Variants in MRPS33 observed in about 807,000 individuals in gnomAD.
The protein encoded by MRPS33 is small ribosomal subunit protein mS33.
A neutral mutation model predicts 11.2 loss-of-function variants in MRPS33; 11 were observed. That is an observed-to-expected ratio of 0.99 (90% CI 0.62 to 1.63). The LOEUF is 1.63. MRPS33 is among the 40% of genes most tolerant of loss of function. MRPS33 has a pLI of 0.00. For missense variants in MRPS33, 109 were observed against 127.8 expected, an observed-to-expected ratio of 0.85 and a Z score of 0.71; for synonymous variants, 46 against 44.0, an observed-to-expected ratio of 1.05 and a Z score of -0.18.
At chr7:141,013,564 G>A (rs996604712) in intron 1 of MRPS33, among the ~76,000 whole-genome samples, 1 of 152,056 alleles carries the variant, frequency 6.6e-6, no homozygotes, top group Non-Finnish European at 1.5e-5. Flanking sequence ...AATAACACGG[G>A]AGCTTTTCTT....
rs1820520222 is a variant in MRPS33 at position 141,006,176 on chromosome 7, G to A, written c.*254C>T. 2.0e-6 allele frequency: 1 copy of A among 490,022 alleles called. No homozygotes were observed. The highest frequency in any genetic ancestry group is 3.6e-5 in the Admixed American group (1 of 27,556). 30.4% of individuals were successfully genotyped at this position (490,022 alleles called of 1,614,324 possible). On this transcript the variant is annotated 3_prime_UTR_variant, in exon 3 of 3. Transcript: ENST00000324787. ...AAACAAATCATCAAACAATAACTTA[G>A]GTATTTATTTCATTAGAGAATCAGG...
At chr7:141,011,842 G>A (rs1036332830) in intron 1 of MRPS33, among the ~76,000 whole-genome samples, 2 of 152,050 alleles carry the variant, frequency 1.3e-5, no homozygotes, top group Admixed American at 1.3e-4. Flanking sequence ...TTTAATGCCT[G>A]TTTCAAGATC....
At chr7:141,013,930 C>T (rs1248192615) in intron 1 of MRPS33, among the ~76,000 whole-genome samples, 2 of 152,114 alleles carry the variant, frequency 1.3e-5, no homozygotes, top group Admixed American at 1.3e-4. Flanking sequence ...AGTTCTTAAC[C>T]GGGATGTGCT....
At position 141,004,484 on chromosome 7, in the gene MRPS33, C is replaced by T. The variant is rs1264009985; in HGVS notation, c.*1946G>A. On this transcript the variant is annotated 3_prime_UTR_variant, in exon 3 of 3. Transcript: ENST00000324787. ...TTAAACATATGTACTGGGAATCTTT[C>T]TACTTCAGGAATCATTGAGTGTTAC... is the stretch of plus-strand genomic sequence containing the variant. 1.3e-5 allele frequency: 2 copies of T among 152,114 alleles called. No homozygotes were observed. Among genetic ancestry groups the T allele is most frequent in the Non-Finnish European group, 2.9e-5 (2 of 68,016 alleles). 9.4% of individuals were successfully genotyped at this position (152,114 alleles called of 1,614,324 possible).
In MRPS33 at chr7:141,006,501, G is replaced by A. The variant is rs759832935; in HGVS notation, c.250C>T (p.Arg84Ter). The change falls in exon 3 of 3, where the codon CGA (arginine) becomes TGA (stop). Residue 84 changes from arginine (R) to a stop codon, truncating the protein, a stop_gained. Transcript: ENST00000324787. LOFTEE classifies it high-confidence loss of function. The stretch of plus-strand genomic sequence containing the variant: ...TCCTTTCCACGAAGCTTCTTTAGTC[G>A]TTTTTGCTCATCCATAAAATCCTGA... ...EHQDFMDEQK[R>*]LKKLRGKEKP... 32 of 1,613,696 alleles carry A rather than the reference G, an allele frequency of 2.0e-5. No homozygotes were observed. The highest frequency in any genetic ancestry group is 2.7e-5 in the African/African-American group (2 of 74,884).
chr7:141,010,257 T>A, intron 2 of MRPS33, 162 bp downstream of exon 2: 1 of 640,872 alleles, frequency 1.6e-6, no homozygotes, highest in Non-Finnish European at 2.7e-6. Flanking sequence ...CTCTCCATTA[T>A]GGGTATTTTG....
In MRPS33 at chr7:141,006,272, C is replaced by T; in HGVS notation, c.*158G>A. 1 of 677,108 alleles carries T rather than the reference C, an allele frequency of 1.5e-6. No homozygotes were observed. The highest frequency in any genetic ancestry group is 2.5e-6 in the Non-Finnish European group (1 of 402,034). The allele number at this position is 677,108 out of a possible 1,614,324, so 41.9% of individuals were successfully genotyped here. ...TAGAATGTGTTCAAGAAACCAGCCA[C>T]AATGTAACCGGATTAGATTTCACCA... On this transcript the variant is annotated 3_prime_UTR_variant, in exon 3 of 3. Coordinates refer to ENST00000324787, the MANE Select transcript of MRPS33 (RefSeq NM_053035.3).
Position 141,006,366 on chromosome 7 carries a change from A to G in MRPS33, c.*64T>C. ...TGACATTCCTCCAATAGGTGGAAAG[A>G]CAATAAATGCACTTTCTTCTCTCCG... On this transcript the variant is annotated 3_prime_UTR_variant, in exon 3 of 3. Coordinates refer to ENST00000324787, the MANE Select transcript of MRPS33 (RefSeq NM_053035.3). 1 of 1,363,620 alleles carries G rather than the reference A, an allele frequency of 7.3e-7. No homozygotes were observed. The highest frequency in any genetic ancestry group is 1.0e-6 in the Non-Finnish European group (1 of 965,642). The allele number at this position is 1,363,620 out of a possible 1,614,324, so 84.5% of individuals were successfully genotyped here. A position where few individuals can be genotyped will look rare whatever the true frequency, so the allele number is the denominator to read the frequency against.
At chr7:141,009,134 ATT>A (rs200306228) in intron 2 of MRPS33, among the ~76,000 whole-genome samples, 7 of 140,432 alleles carry the variant, frequency 5.0e-5, no homozygotes, top group African/African-American at 7.9e-5. Context: ...CAGGTATTTG[ATT>A]TTTTTTTTTT....
chr7:141,010,620 G>A lies in MRPS33; in HGVS notation c.14C>T (p.Ser5Leu), dbSNP rs763797933. Reference protein sequence around the residue: MSSLSEYAFRMSRLS... With the variant: MSSLLEYAFRMSRLS... ...ACGAGACATGCGGAAGGCATATTCTGAAAGGGAGGACATTTCTTGAGTGGC... is the reference window on the plus strand; with the variant it reads ...ACGAGACATGCGGAAGGCATATTCTAAAAGGGAGGACATTTCTTGAGTGGC... The change falls in exon 2 of 3, where the codon TCA (serine) becomes TTA (leucine). Residue 5 changes from serine (S) to leucine (L), a missense_variant. Ser to Leu is a moderately radical substitution (Grantham distance 145). Transcript: ENST00000324787. The A allele has an allele frequency of 4.3e-6, 7 of 1,614,050 alleles. No individual in the cohort carries two copies. Among genetic ancestry groups the A allele is most frequent in the Non-Finnish European group, 1.7e-6 (2 of 1,180,004 alleles).
chr7:141,011,738 A>G (rs947139941), intron 1 of MRPS33, among the ~76,000 whole-genome samples: 2 of 152,110 alleles, frequency 1.3e-5, no homozygotes, highest in African/African-American at 4.8e-5. Flanking sequence ...CCAATGGGAG[A>G]AATGTACCAA....
At chr7:141,012,139 T>C (rs1586732543) in intron 1 of MRPS33, among the ~76,000 whole-genome samples, 1 of 130,742 alleles carries the variant, frequency 7.6e-6, no homozygotes, top group Admixed American at 9.6e-5. Context: ...ACTACTGTAC[T>C]CTATAGCCTG....
At chr7:141,010,871 T>C (rs1209163676) in intron 1 of MRPS33, among the ~76,000 whole-genome samples, 12 of 152,246 alleles carry the variant, frequency 7.9e-5, no homozygotes, top group Non-Finnish European at 1.5e-4. Flanking sequence ...CGTGTTTACA[T>C]GCTATTACTT....
rs1249808359 is a variant in MRPS33 at position 141,010,322 on chromosome 7, A to G, written c.215+97T>C. On this transcript the variant is annotated intron_variant, in intron 2 of 2. Coordinates refer to ENST00000324787, the MANE Select transcript of MRPS33 (RefSeq NM_053035.3). ...TTTTGAACTACCTGGGCTCTATTAT[A>G]AGAACAAAACTACAAGGATAGAAAG... is the stretch of plus-strand genomic sequence containing the variant. 2.5e-6 allele frequency: 3 copies of G among 1,209,226 alleles called. No individual in the cohort carries two copies. In the East Asian group the frequency reaches 7.1e-5, roughly 28 times the overall value. 74.9% of individuals were successfully genotyped at this position (1,209,226 alleles called of 1,614,324 possible). A position where few individuals can be genotyped will look rare whatever the true frequency, so the allele number is the denominator to read the frequency against.
chr7:141,009,040 C>T (rs1820606952), intron 2 of MRPS33, among the ~76,000 whole-genome samples: 1 of 151,350 alleles, frequency 6.6e-6, no homozygotes, highest in Admixed American at 6.6e-5. Flanking sequence ...AGTGGTCTGC[C>T]CGCCTTGGCC....
chr7:141,009,136 T>C (rs569218286), intron 2 of MRPS33, among the ~76,000 whole-genome samples: 2 of 145,896 alleles, frequency 1.4e-5, no homozygotes, highest in East Asian at 3.9e-4. Flanking sequence ...GGTATTTGAT[T>C]TTTTTTTTTT....
At chr7:141,007,011 A>T (rs932263255) in intron 2 of MRPS33, among the ~76,000 whole-genome samples, 5 of 152,180 alleles carry the variant, frequency 3.3e-5, no homozygotes, top group Admixed American at 3.3e-4. Flanking sequence ...GCAGCAGGTA[A>T]CTCACACAAA....
At chr7:141,011,837 T>C (rs2129165027) in intron 1 of MRPS33, among the ~76,000 whole-genome samples, 1 of 152,212 alleles carries the variant, frequency 6.6e-6, no homozygotes, top group Admixed American at 6.5e-5. Flanking sequence ...GAAGTTTTAA[T>C]GCCTGTTTCA....
chr7:141,010,192 A>G, intron 2 of MRPS33: 1 of 528,026 alleles, frequency 1.9e-6, no homozygotes. Context: ...GTCATGTTGT[A>G]GACATAATTA....
Sources: gnomAD v4.1 joint callset for allele counts (sites outside exome capture counted in the v4.1 genomes callset) on GRCh38, gnomAD v4.1.1 for gene constraint, MANE v1.5 for transcripts, NCBI Gene and HGNC (gene_info 2026-07-23, HGNC 2026-07-21) for gene names.